CNTNAP5: variants seen among roughly 807,000 people sequenced by gnomAD.
The protein encoded by CNTNAP5 is contactin-associated protein-like 5.
CNTNAP5 carries 72 observed loss-of-function variants against 150.2 expected under a neutral mutation model. The ratio of observed to expected loss-of-function variants is 0.48; its 90% CI spans 0.40 to 0.58. The LOEUF is 0.58. Ranked by LOEUF, CNTNAP5 falls within the 20% of genes least tolerant of loss-of-function variation. The probability of loss-of-function intolerance (pLI) is 0.00; values close to 1 mark genes in which losing one functional copy is unlikely to be tolerated. For synonymous variants in CNTNAP5, 672 were observed against 619.8 expected, an observed-to-expected ratio of 1.08 and a Z score of -1.25; for missense variants, 1,636 against 1,626.2, an observed-to-expected ratio of 1.01 and a Z score of -0.10.
chr2:124,743,832 C>T (rs1680551457), intron 13 of CNTNAP5, among the ~76,000 whole-genome samples: 1 of 152,056 alleles, frequency 6.6e-6, no homozygotes, highest in African/African-American at 2.4e-5. Flanking sequence ...CAACATTTTG[C>T]AAAGTGCAGT....
chr2:124,907,320 A>C (rs1678558021), intron 22 of CNTNAP5, among the ~76,000 whole-genome samples: 1 of 151,992 alleles, frequency 6.6e-6, no homozygotes, highest in African/African-American at 2.4e-5. Context: ...CATTAGGTGC[A>C]AGTGTAGAAG....
rs541488099 is a variant in CNTNAP5 at position 124,109,311 on chromosome 2, C to T, written c.82+83579C>T. 1.6e-4 allele frequency among the ~76,000 whole-genome samples: 25 copies of T among 152,294 alleles called. No individual in the cohort carries two copies. In the South Asian group the frequency reaches 5.0e-3, roughly 30 times the overall value. On this transcript the variant is annotated intron_variant, in intron 1 of 23. Transcript: ENST00000682447. The stretch of plus-strand genomic sequence containing the variant: ...GATGCCCCAAACCCCACTCAGCCCT[C>T]ACCTCACACAGTGATAGCTGCCATC...
At chr2:124,433,428 G>A (rs1181201345) in intron 4 of CNTNAP5, among the ~76,000 whole-genome samples, 1 of 152,102 alleles carries the variant, frequency 6.6e-6, no homozygotes, top group East Asian at 1.9e-4. Context: ...CAGATCCTCA[G>A]ATTCACAAAG....
intron 2 of CNTNAP5, among the ~76,000 whole-genome samples, chr2:124,237,179 T>G (rs971248301): frequency 6.6e-6 from 1 of 152,160 alleles, no homozygotes; most frequent in Admixed American, 6.5e-5. Context: ...AATGCTATGC[T>G]GCTATGTGTG....
Position 124,221,687 on chromosome 2 carries a change from GTCC to G in CNTNAP5, c.83-13_83-11del, listed in dbSNP as rs758397323. ...AATAGAATCTGGTCTCTCTCCCTCT[GTCC>G]TCCTATCATTATAGACAACTGTGAT... On this transcript the variant is annotated splice_polypyrimidine_tract_variant and intron_variant, in intron 1 of 23. Transcript: ENST00000682447. 6.7e-7 allele frequency: 1 copy of G among 1,503,664 alleles called. No individual in the cohort carries two copies. The highest frequency in any genetic ancestry group is 9.2e-7 in the Non-Finnish European group (1 of 1,083,544). The allele number at this position is 1,503,664 out of a possible 1,614,324, so 93.1% of individuals were successfully genotyped here.
At chr2:124,360,974 A>T (rs1267217965) in intron 3 of CNTNAP5, among the ~76,000 whole-genome samples, 2 of 137,426 alleles carry the variant, frequency 1.5e-5, no homozygotes, top group African/African-American at 5.6e-5. Context: ...GTCTTTTCAC[A>T]TAGTCCCATA....
chr2:124,715,323 G>A (rs1679920406), intron 13 of CNTNAP5, among the ~76,000 whole-genome samples: 1 of 152,136 alleles, frequency 6.6e-6, no homozygotes, highest in African/African-American at 2.4e-5. Context: ...ACGGCTTAGA[G>A]TCAAAATAGC....
At chr2:124,257,100 G>A (rs1390840503) in intron 3 of CNTNAP5, among the ~76,000 whole-genome samples, 1 of 152,094 alleles carries the variant, frequency 6.6e-6, no homozygotes, top group Non-Finnish European at 1.5e-5. Context: ...GAGAAGAAAA[G>A]GGAAGATTCT....
At chr2:124,537,318 T>A (rs1486460165) in intron 10 of CNTNAP5, among the ~76,000 whole-genome samples, 2 of 152,178 alleles carry the variant, frequency 1.3e-5, no homozygotes, top group African/African-American at 4.8e-5. Context: ...TGGAAAATGA[T>A]GCATTTTTGT....
chr2:124,358,660 G>C (rs1690098133), intron 3 of CNTNAP5, among the ~76,000 whole-genome samples: 1 of 152,178 alleles, frequency 6.6e-6, no homozygotes, highest in African/African-American at 2.4e-5. Flanking sequence ...AAGCCCACTT[G>C]ATCATGGTGG....
intron 1 of CNTNAP5, among the ~76,000 whole-genome samples, chr2:124,114,338 C>T (rs1683375142): frequency 6.6e-6 from 1 of 151,896 alleles, no homozygotes; most frequent in Non-Finnish European, 1.5e-5. Context: ...CAAGGCTGTG[C>T]TTCTCTAGTT....
chr2:124,436,252 T>C (rs1239975578), intron 5 of CNTNAP5, among the ~76,000 whole-genome samples: 1 of 152,206 alleles, frequency 6.6e-6, no homozygotes, highest in Non-Finnish European at 1.5e-5. Context: ...ATTTCAGATA[T>C]GGCATTTCAC....
chr2:124,799,986 T>G (rs1441486924), intron 19 of CNTNAP5, among the ~76,000 whole-genome samples: 1 of 152,202 alleles, frequency 6.6e-6, no homozygotes, highest in African/African-American at 2.4e-5. Flanking sequence ...TGATTATGAT[T>G]AGGACCATTC....
At chr2:124,090,246 C>T (rs187621042) in intron 1 of CNTNAP5, among the ~76,000 whole-genome samples, 39 of 152,230 alleles carry the variant, frequency 2.6e-4, no homozygotes, top group South Asian at 2.1e-3. Flanking sequence ...TAATCAGTTT[C>T]GGCATGTTCT....
intron 17 of CNTNAP5, among the ~76,000 whole-genome samples, chr2:124,785,057 A>AG (rs397985770): frequency 2.0e-5 from 3 of 148,938 alleles, no homozygotes; most frequent in Non-Finnish European, 4.5e-5. Context: ...AAAAAAAAAA[A>AG]CAAAAGAAAA....
At chr2:124,483,037 T>G (rs1693796053) in intron 7 of CNTNAP5, among the ~76,000 whole-genome samples, 1 of 152,214 alleles carries the variant, frequency 6.6e-6, no homozygotes, top group Non-Finnish European at 1.5e-5. Flanking sequence ...TGCACATCCT[T>G]CTCTCAGCCT....
intron 1 of CNTNAP5, among the ~76,000 whole-genome samples, chr2:124,042,628 A>C (rs1399735314): frequency 6.6e-6 from 1 of 152,134 alleles, no homozygotes; most frequent in Non-Finnish European, 1.5e-5. Flanking sequence ...GGTTGGTTTA[A>C]ATTTCTACCT....
At chr2:124,060,753 G>A (rs975606127) in intron 1 of CNTNAP5, among the ~76,000 whole-genome samples, 5 of 152,110 alleles carry the variant, frequency 3.3e-5, no homozygotes, top group Admixed American at 1.3e-4. Context: ...AGATAAAATG[G>A]GGCTTTCTAG....
intron 1 of CNTNAP5, among the ~76,000 whole-genome samples, chr2:124,117,410 G>C (rs1291292089): frequency 6.6e-6 from 1 of 152,118 alleles, no homozygotes; most frequent in Non-Finnish European, 1.5e-5. Context: ...ACCTAGAGCA[G>C]TACAAGGCAT....
Sources: allele counts gnomAD v4.1 joint callset (sites outside exome capture counted in the v4.1 genomes callset), GRCh38; gene constraint gnomAD v4.1.1; transcripts MANE v1.5; gene names NCBI Gene and HGNC (gene_info 2026-07-23, HGNC 2026-07-21).